The following NRDE2 variants were observed in gnomAD, a reference collection of about 807,000 sequenced individuals.
NRDE2 encodes the protein nuclear exosome regulator NRDE2.
In NRDE2, 76 loss-of-function variants were observed where a neutral mutation model predicts 124.2. That is an observed-to-expected ratio of 0.61 (90% confidence interval 0.51 to 0.74). NRDE2 has a LOEUF of 0.74. Ranked by LOEUF, NRDE2 falls within the 30% of genes least tolerant of loss-of-function variation. The pLI, the probability that NRDE2 is intolerant of heterozygous loss-of-function variation, is 0.00. For missense variants in NRDE2, 1,314 were observed against 1,417.3 expected, an observed-to-expected ratio of 0.93 and a Z score of 1.17; for synonymous variants, 489 against 528.1, an observed-to-expected ratio of 0.93 and a Z score of 1.01.
chr14:90,290,582 G>A lies in NRDE2; in HGVS notation c.1868C>T (p.Ser623Phe), dbSNP rs917431308. Residue 623 changes from serine (S) to phenylalanine (F), a missense_variant, in exon 10 of 14, where the codon TCT becomes TTT. Coordinates refer to ENST00000354366, the MANE Select transcript of NRDE2 (RefSeq NM_017970.4). ...ATCATGGCTGGAAAGTCTGATCAAA[G>A]ATTGCCCAATATCATCAAACAACAC... is the stretch of plus-strand genomic sequence containing the variant. ...RQVLFDDIGQ[S>F]LIRLSSHDLQ... 5 of 1,609,014 alleles carry A rather than the reference G, an allele frequency of 3.1e-6. No homozygotes were observed. The highest frequency in any genetic ancestry group is 4.2e-6 in the Non-Finnish European group (5 of 1,177,536).
intron 4 of NRDE2, among the ~76,000 whole-genome samples, chr14:90,307,752 T>C (rs1884668951): frequency 6.6e-6 from 1 of 152,302 alleles, no homozygotes; most frequent in Non-Finnish European, 1.5e-5. Flanking sequence ...TGCACCCAAC[T>C]ACAGAAAAAT....
chr14:90,323,312 C>A (rs570549264), intron 1 of NRDE2, among the ~76,000 whole-genome samples: 1 of 152,238 alleles, frequency 6.6e-6, no homozygotes, highest in East Asian at 1.9e-4. Flanking sequence ...TAATTTAATT[C>A]TATTACACAT....
chr14:90,281,367 C>CT (rs1292467542), intron 12 of NRDE2: 1 of 152,544 alleles, frequency 6.6e-6, no homozygotes, highest in Admixed American at 6.5e-5. Flanking sequence ...TGAGCTGAGA[C>CT]TGCGCCACTG....
At chr14:90,296,733 ATC>A (rs1683758074) in intron 8 of NRDE2, among the ~76,000 whole-genome samples, 1 of 152,134 alleles carries the variant, frequency 6.6e-6, no homozygotes, top group Admixed American at 6.5e-5. Context: ...TGCCTGGCAG[ATC>A]TCTCTCTATG....
intron 12 of NRDE2, chr14:90,279,340 C>A: frequency 1.8e-6 from 1 of 555,312 alleles, no homozygotes; most frequent in Non-Finnish European, 3.2e-6. Context: ...GTTGTTTCCT[C>A]CCATTCAAAT....
rs1271576387 is a variant in NRDE2, at chr14:90,279,123, C to A, written c.3308G>T (p.Gly1103Val). 1.6e-5 allele frequency: 25 copies of A among 1,611,174 alleles called. No individual in the cohort carries two copies. Among genetic ancestry groups the A allele is most frequent in the Non-Finnish European group, 2.1e-5 (25 of 1,177,200 alleles). ...TACACCTTTGCTTCTTTCTTTATTT[C>A]CTAAGGAAACCTGAGGTGAGGGGGA... is the stretch of plus-strand genomic sequence containing the variant. ...RMYLNFLVSL[G>V]NKERSKGVFY... The change falls in exon 13 of 14, where the codon GGA (glycine) becomes GTA (valine). Residue 1103 changes from glycine to valine, a missense_variant. Gly to Val is a moderately radical substitution (Grantham distance 109). Coordinates refer to ENST00000354366, the MANE Select transcript of NRDE2 (RefSeq NM_017970.4).
intron 1 of NRDE2, among the ~76,000 whole-genome samples, chr14:90,330,310 G>A (rs1294745188): frequency 1.3e-5 from 2 of 151,980 alleles, no homozygotes; most frequent in Non-Finnish European, 2.9e-5. Flanking sequence ...CTTCTTTTAG[G>A]TGCACTCATG....
rs1891760747 is a variant in NRDE2, at chr14:90,274,808, AC to A, written c.*3527del. The A allele has an allele frequency of 2.9e-5, 2 of 67,836 alleles. No individual in the cohort carries two copies. The highest frequency in any genetic ancestry group is 6.0e-5 in the Non-Finnish European group (2 of 33,400). 4.2% of individuals were successfully genotyped at this position (67,836 alleles called of 1,614,324 possible). ...GAACTACACACACACACACACACAC[AC>A]ACACACACACACACACACACACACA... On this transcript the variant is annotated 3_prime_UTR_variant, in exon 14 of 14. Transcript: ENST00000354366.
rs562506310 is a variant in NRDE2 at position 90,309,445 on chromosome 14, C to T, written c.557+2949G>A. Reference sequence around the variant, plus strand: ...TCGAGATAGCATCACTGCACTCCAACCTGGGCGACAGAGCAAGACTCTGTC... The same window carrying T: ...TCGAGATAGCATCACTGCACTCCAATCTGGGCGACAGAGCAAGACTCTGTC... On this transcript the variant is annotated intron_variant, in intron 4 of 13. Coordinates refer to ENST00000354366, the MANE Select transcript of NRDE2 (RefSeq NM_017970.4). 2.6e-4 allele frequency among the ~76,000 whole-genome samples: 38 copies of T among 144,986 alleles called. 1 individual carries two copies. The highest frequency in any genetic ancestry group is 4.5e-4 in the South Asian group (2 of 4,432).
Position 90,269,357 on chromosome 14 carries a change from C to G in NRDE2, c.*8979G>C. 6.5e-7 allele frequency: 1 copy of G among 1,546,390 alleles called. No homozygotes were observed. Among genetic ancestry groups the G allele is most frequent in the Non-Finnish European group, 8.8e-7 (1 of 1,142,582 alleles). On this transcript the variant is annotated 3_prime_UTR_variant, in exon 14 of 14. Transcript: ENST00000354366. Reference sequence around the variant, plus strand: ...CTGTAATTCCCCTTGAGCAGGCGATCAGTTGAGTCTTCATTCCTTCCCTTT... The same window carrying G: ...CTGTAATTCCCCTTGAGCAGGCGATGAGTTGAGTCTTCATTCCTTCCCTTT...
At chr14:90,279,263 C>T (rs199958673) in intron 12 of NRDE2, 130 bp from the exon 13 acceptor site, 11 of 698,626 alleles carry the variant, frequency 1.6e-5, no homozygotes, top group East Asian at 1.5e-4. Context: ...GGCCTGGCAC[C>T]GTCACGGTGG....
At chr14:90,310,194 G>A (rs1454796451) in intron 4 of NRDE2, among the ~76,000 whole-genome samples, 1 of 152,142 alleles carries the variant, frequency 6.6e-6, no homozygotes, top group Non-Finnish European at 1.5e-5. Context: ...AAGTCACAAA[G>A]AGAACCAGAG....
intron 1 of NRDE2, among the ~76,000 whole-genome samples, chr14:90,325,017 A>G (rs1399577235): frequency 6.6e-6 from 1 of 152,076 alleles, no homozygotes; most frequent in Non-Finnish European, 1.5e-5. Flanking sequence ...TGACGGCAAA[A>G]GTTAGGTAAT....
At chr14:90,326,841 G>A (rs1282848716) in intron 1 of NRDE2, among the ~76,000 whole-genome samples, 2 of 152,084 alleles carry the variant, frequency 1.3e-5, no homozygotes, top group African/African-American at 2.4e-5. Flanking sequence ...TAAATTGACC[G>A]CATATCCACT....
intron 8 of NRDE2, among the ~76,000 whole-genome samples, chr14:90,294,121 C>CT (rs1451740763): frequency 3.3e-5 from 5 of 152,114 alleles, no homozygotes; most frequent in African/African-American, 1.2e-4. Context: ...TCAACATGAA[C>CT]AAACCATTGA....
rs538545250 is a variant in NRDE2, at chr14:90,298,173, T to C, written c.1666+87A>G. On this transcript the variant is annotated intron_variant, in intron 8 of 13. Transcript: ENST00000354366. Reference sequence around the variant, plus strand: ...GCAATATTCTGAAGCTACTGATAAATAGCTTAAGCAGATAAATAATCATGA... The same window carrying C: ...GCAATATTCTGAAGCTACTGATAAACAGCTTAAGCAGATAAATAATCATGA... 4.0e-5 allele frequency: 55 copies of C among 1,383,944 alleles called. No homozygotes were observed. In the East Asian group the frequency reaches 1.1e-3, roughly 28 times the overall value. The allele number at this position is 1,383,944 out of a possible 1,614,324, so 85.7% of individuals were successfully genotyped here.
At chr14:90,317,874 G>T in intron 2 of NRDE2, 131 bp downstream of exon 2, 1 of 593,478 alleles carries the variant, frequency 1.7e-6, no homozygotes, top group Non-Finnish European at 2.9e-6. Context: ...AATAGTCAAA[G>T]ATCACCTTAT....
intron 1 of NRDE2, among the ~76,000 whole-genome samples, chr14:90,331,101 A>G (rs1885680094): frequency 6.6e-6 from 1 of 151,884 alleles, no homozygotes; most frequent in Non-Finnish European, 1.5e-5. Flanking sequence ...TTTTTTTTTA[A>G]GAGACAGGAG....
In NRDE2 at chr14:90,293,960, T is replaced by G. The variant is rs75047278; in HGVS notation, c.1667-1088A>C. On this transcript the variant is annotated intron_variant, in intron 8 of 13. Coordinates refer to ENST00000354366, the MANE Select transcript of NRDE2 (RefSeq NM_017970.4). ...CTCTTGGGCACTGATCCCAGATAAA[T>G]GAAAACCTACGTTTACACAAAAACC... Among the ~76,000 whole-genome samples the G allele has an allele frequency of 9.0e-3, 1,369 of 152,204 alleles. 18 individuals are homozygous for G. The highest frequency in any genetic ancestry group is 0.031 in the African/African-American group (1,299 of 41,524).
Sources: gnomAD v4.1 joint callset for allele counts (sites outside exome capture counted in the v4.1 genomes callset) on GRCh38, gnomAD v4.1.1 for gene constraint, MANE v1.5 for transcripts, NCBI Gene and HGNC (gene_info 2026-07-23, HGNC 2026-07-21) for gene names.